The following DAPK2 variants were observed in gnomAD, a reference collection of about 807,000 sequenced individuals.
The protein encoded by DAPK2 is death-associated protein kinase 2.
In DAPK2, 35 loss-of-function variants were observed where a neutral mutation model predicts 44.1. The observed-to-expected ratio is 0.79, with a 90% CI of 0.61 to 1.05. The LOEUF (loss-of-function observed/expected upper bound fraction) is 1.05, where lower values mean the gene tolerates loss of function less well. DAPK2 is among the 50% of genes least tolerant of loss of function. DAPK2 has a pLI of 0.00. For synonymous variants in DAPK2, 174 were observed against 182.6 expected, an observed-to-expected ratio of 0.95 and a Z score of 0.38; for missense variants, 453 against 483.2, an observed-to-expected ratio of 0.94 and a Z score of 0.59.
intron 1 of DAPK2, among the ~76,000 whole-genome samples, chr15:64,045,314 T>A (rs1000286353): frequency 2.0e-5 from 3 of 152,034 alleles, no homozygotes; most frequent in Admixed American, 6.6e-5. Flanking sequence ...AGATGAGCGG[T>A]TTGGGGAAGG....
rs959245628 is a variant in DAPK2 at position 63,923,540 on chromosome 15, T to C, written c.858+1276A>G. The stretch of plus-strand genomic sequence containing the variant: ...AAGGAGTGTGGGGGTGCTGTCTGCA[T>C]GCTCATTCAGGGCAGAAGGGTCCAC... On this transcript the variant is annotated intron_variant, in intron 8 of 10. Transcript: ENST00000261891. This position sits in a 1 kb window ranked among gnomAD's most constrained non-coding sequence, Gnocchi z 4.2. 2.6e-5 allele frequency among the ~76,000 whole-genome samples: 4 copies of C among 152,198 alleles called. No homozygotes were observed. Among genetic ancestry groups the C allele is most frequent in the Non-Finnish European group, 5.9e-5 (4 of 68,026 alleles).
chr15:64,030,688 T>C (rs1038541437), intron 1 of DAPK2, among the ~76,000 whole-genome samples: 5 of 152,066 alleles, frequency 3.3e-5, no homozygotes, highest in African/African-American at 1.2e-4. Context: ...AGATGACCTC[T>C]GAAGAATCTC....
intron 2 of DAPK2, among the ~76,000 whole-genome samples, chr15:63,973,871 TTTC>T (rs1231176249): frequency 6.6e-6 from 1 of 152,152 alleles, no homozygotes; most frequent in Non-Finnish European, 1.5e-5. Flanking sequence ...GGACAACTCA[TTTC>T]CCTTCTCCAG....
intron 3 of DAPK2, among the ~76,000 whole-genome samples, chr15:63,952,876 C>G (rs1348766821): frequency 6.6e-6 from 1 of 152,084 alleles, no homozygotes; most frequent in Non-Finnish European, 1.5e-5. Context: ...ATTGTGCTAT[C>G]AAATACTAGA....
upstream of DAPK2, among the ~76,000 whole-genome samples, chr15:64,042,305 C>G (rs1413478206): frequency 6.6e-6 from 1 of 152,144 alleles, no homozygotes; most frequent in Non-Finnish European, 1.5e-5. The surrounding 1 kb of genome is among the most constrained non-coding windows in gnomAD (Gnocchi z 4.7). Flanking sequence ...TCTCCCAAGA[C>G]TGGCCCAGGG....
rs2078930321 is a variant in DAPK2, at chr15:63,916,478, C to T, written c.859-4281G>A. 6.6e-6 allele frequency: 1 copy of T among 152,488 alleles called. No homozygotes were observed. The highest frequency in any genetic ancestry group is 1.5e-5 in the Non-Finnish European group (1 of 68,204). 9.4% of individuals were successfully genotyped at this position (152,488 alleles called of 1,614,324 possible). On this transcript the variant is annotated intron_variant, in intron 8 of 10. Coordinates refer to ENST00000261891, the Ensembl canonical transcript of DAPK2. This position sits in a 1 kb window ranked among gnomAD's most constrained non-coding sequence, Gnocchi z 4.7. ...CCTGCCCAGGACCCCTCCCCGCTGC[C>T]CTTCCCTCAATGGAGTTTTATAGGT...
upstream of DAPK2, chr15:64,046,350 G>A: frequency 9.5e-5 from 1 of 10,480 alleles, no homozygotes; most frequent in Non-Finnish European, 2.2e-4. The surrounding 1 kb of genome is among the most constrained non-coding windows in gnomAD (Gnocchi z 5.3). Context: ...GGCGGGAGCG[G>A]CGGGCGCGGC....
At position 64,013,164 on chromosome 15, in the gene DAPK2, G is replaced by A. The variant is rs970289053; in HGVS notation, c.92+27006C>T. On this transcript the variant is annotated intron_variant, in intron 1 of 10. Coordinates refer to ENST00000261891, the Ensembl canonical transcript of DAPK2. This position sits in a 1 kb window ranked among gnomAD's most constrained non-coding sequence, Gnocchi z 4.7. ...TCATTAAAGAGCCGACTCATTTCAC[G>A]GTGCATGTGCACAAAGCAGTCACAA... 3.9e-5 allele frequency among the ~76,000 whole-genome samples: 6 copies of A among 152,268 alleles called. No individual in the cohort carries two copies. The highest frequency in any genetic ancestry group is 1.9e-4 in the East Asian group (1 of 5,188).
rs138490712 is a variant in DAPK2, at chr15:63,997,206, A to G, written c.93-13452T>C. ...TGCCCCACTCCTCCAACTCTGCTCTAAGCCATTACAGGCTTTGGCACTGCC... is the reference window on the plus strand; with the variant it reads ...TGCCCCACTCCTCCAACTCTGCTCTGAGCCATTACAGGCTTTGGCACTGCC... On this transcript the variant is annotated intron_variant, in intron 1 of 10. Transcript: ENST00000261891. Among the ~76,000 whole-genome samples, 242 of 152,298 alleles carry G rather than the reference A, an allele frequency of 1.6e-3. 3 individuals carry two copies. Among genetic ancestry groups the G allele is most frequent in the South Asian group, 1.7e-3 (8 of 4,822 alleles).
At chr15:64,029,201 G>A (rs2079939438) in intron 1 of DAPK2, among the ~76,000 whole-genome samples, 2 of 150,798 alleles carry the variant, frequency 1.3e-5, no homozygotes, top group African/African-American at 2.4e-5. Flanking sequence ...TACCCTTAGG[G>A]CAAGCGATTT....
intron 1 of DAPK2, 26 bp from the exon 3 acceptor site, chr15:63,983,780 T>A: frequency 1.9e-6 from 3 of 1,600,902 alleles, no homozygotes; most frequent in Non-Finnish European, 2.6e-6. Context: ...CCCACAAGAT[T>A]AGGTCATCAC....
chr15:63,984,356 ATAGT>A (rs1272189131), intron 1 of DAPK2, among the ~76,000 whole-genome samples: 3 of 152,196 alleles, frequency 2.0e-5, no homozygotes, highest in African/African-American at 4.8e-5. Context: ...AGCCTCTGAG[ATAGT>A]TAGAGCAGTC....
upstream of DAPK2, chr15:64,040,387 T>C (rs907490341): frequency 1.1e-5 from 8 of 743,508 alleles, no homozygotes; most frequent in African/African-American, 1.7e-5. Flanking sequence ...ATCCACAGCC[T>C]TGGTTCTTCA....
At chr15:63,941,435 T>G (rs1420199714) in intron 3 of DAPK2, among the ~76,000 whole-genome samples, 1 of 152,242 alleles carries the variant, frequency 6.6e-6, no homozygotes, top group African/African-American at 2.4e-5. Flanking sequence ...CTCAGATCTT[T>G]GCATCTTTGC....
intron 3 of DAPK2, among the ~76,000 whole-genome samples, chr15:63,969,130 C>G (rs1377521884): frequency 6.6e-6 from 1 of 152,146 alleles, no homozygotes; most frequent in Non-Finnish European, 1.5e-5. Context: ...TTAAAAAATA[C>G]CGTGACAGCC....
At chr15:63,961,040 T>G (rs11071783) in intron 3 of DAPK2, among the ~76,000 whole-genome samples, 151,577 of 152,308 alleles carry the variant, frequency 1, 75,430 homozygotes, top group Non-Finnish European at 1. Context: ...CCTGTATTGG[T>G]TGCATATATA....
Position 63,923,838 on chromosome 15 carries a change from TATTG to T in DAPK2, c.858+974_858+977del, listed in dbSNP as rs1300925920. 1.3e-5 allele frequency among the ~76,000 whole-genome samples: 2 copies of T among 152,258 alleles called. No individual in the cohort carries two copies. The highest frequency in any genetic ancestry group is 2.4e-5 in the African/African-American group (1 of 41,538). ...TTCCACAGGCCTCACCTTCTCTTTG[TATTG>T]ATTGATTGATTATTATTTTTTAGAG... On this transcript the variant is annotated intron_variant, in intron 8 of 10. Coordinates refer to ENST00000261891, the Ensembl canonical transcript of DAPK2. The surrounding 1 kb of genome is among the most constrained non-coding windows in gnomAD (Gnocchi z 4.2).
chr15:63,927,743 A>ATT (rs56346248), intron 6 of DAPK2, among the ~76,000 whole-genome samples: 3,252 of 146,416 alleles, frequency 0.022, 44 homozygotes, highest in African/African-American at 0.032. Flanking sequence ...CTGGGATTCC[A>ATT]TTTTTTTTTT....
chr15:63,923,078 C>T lies in DAPK2; in HGVS notation c.858+1738G>A, dbSNP rs1420419670. On this transcript the variant is annotated intron_variant, in intron 8 of 10. Coordinates refer to ENST00000261891, the Ensembl canonical transcript of DAPK2. The surrounding 1 kb of genome is among the most constrained non-coding windows in gnomAD (Gnocchi z 4.2). ...ATGCCGGGCGCTCTCATTCTCCTCT[C>T]GGTACCAAGCTTCCTTCTCATTGAA... The T allele has an allele frequency of 1.2e-5, 18 of 1,535,878 alleles. No individual in the cohort carries two copies. The highest frequency in any genetic ancestry group is 1.6e-5 in the Non-Finnish European group (18 of 1,146,746).
Sources: gnomAD v4.1 joint callset for allele counts (sites outside exome capture counted in the v4.1 genomes callset) on GRCh38, gnomAD v4.1.1 for gene constraint, Gnocchi (gnomAD v3.1) non-coding constraint, MANE v1.5 for transcripts, NCBI Gene and HGNC (gene_info 2026-07-23, HGNC 2026-07-21) for gene names.